PPHLN1: variants seen among roughly 807,000 people sequenced by gnomAD.
The protein encoded by PPHLN1 is periphilin 1, also known as periphilin-1.
PPHLN1 carries 29 observed loss-of-function variants against 51.3 expected under a neutral mutation model. That is an observed-to-expected ratio of 0.57 (90% CI 0.42 to 0.77). PPHLN1 has a LOEUF of 0.77. Among genes scored for constraint, PPHLN1 ranks in the 30% least tolerant of loss-of-function variants. The pLI is 0.00. For missense variants in PPHLN1, 436 were observed against 438.4 expected (o/e 0.99, Z 0.05); for synonymous variants, 147 against 147.8 (o/e 0.99, Z 0.04).
chr12:42,378,100 CT>C (rs778021356), intron 5 of PPHLN1, among the ~76,000 whole-genome samples: 1 of 58,936 alleles, frequency 1.7e-5, no homozygotes, highest in East Asian at 4.2e-4. Flanking sequence ...CTCTTTCTTT[CT>C]TTCTTTCTTT....
chr12:42,378,100 CTTTCTTTCTTTCT>C (rs2076441372), intron 5 of PPHLN1, among the ~76,000 whole-genome samples: 1 of 58,888 alleles, frequency 1.7e-5, no homozygotes, highest in East Asian at 4.1e-4. Context: ...CTCTTTCTTT[CTTTCTTTCTTTCT>C]TTCTTTCTTT....
chr12:42,348,337 G>A (rs2072695375), intron 2 of PPHLN1, among the ~76,000 whole-genome samples: 1 of 143,528 alleles, frequency 7.0e-6, no homozygotes, highest in Admixed American at 7.3e-5. Context: ...GGCCAGGCTG[G>A]TCTCAATCTC....
intron 4 of PPHLN1, among the ~76,000 whole-genome samples, chr12:42,360,286 T>C (rs73270275): frequency 0.033 from 5,002 of 151,486 alleles, 284 homozygotes; most frequent in African/African-American, 0.11. Context: ...AGCTCCTTAG[T>C]CTTCCCTTGA....
In PPHLN1 at chr12:42,366,531, G is replaced by T. The variant is rs569635519; in HGVS notation, c.300-8332G>T. Among the ~76,000 whole-genome samples the T allele has an allele frequency of 4.7e-3, 702 of 149,508 alleles. 7 individuals are homozygous for T. Among genetic ancestry groups the T allele is most frequent in the African/African-American group, 0.017 (676 of 40,786 alleles). On this transcript the variant is annotated intron_variant, in intron 4 of 9. Transcript: ENST00000358314. ...TGTGAGCCTGCACCTGGCCTTTCTT[G>T]TTTTTTTTTGTTTTTGTTTTTGTTT...
At chr12:42,385,048 G>T in intron 6 of PPHLN1, 52 bp downstream of exon 6, 1 of 1,509,102 alleles carries the variant, frequency 6.6e-7, no homozygotes, top group South Asian at 1.1e-5. Context: ...TGGGAGACTT[G>T]AACTGATAGC....
intron 2 of PPHLN1, among the ~76,000 whole-genome samples, chr12:42,336,555 C>T (rs1309370811): frequency 1.3e-5 from 2 of 152,206 alleles, no homozygotes; most frequent in African/African-American, 2.4e-5. Flanking sequence ...CTTCTTGTCT[C>T]TCGTTGCTCT....
At chr12:42,410,250 G>A (rs1211723302) in intron 9 of PPHLN1, among the ~76,000 whole-genome samples, 1 of 152,026 alleles carries the variant, frequency 6.6e-6, no homozygotes, top group African/African-American at 2.4e-5. Flanking sequence ...AAGCAAAAGA[G>A]TAAATAATGT....
intron 8 of PPHLN1, among the ~76,000 whole-genome samples, chr12:42,396,603 G>A (rs1482473171): frequency 9.0e-6 from 1 of 110,504 alleles, no homozygotes; most frequent in Non-Finnish European, 1.7e-5. Flanking sequence ...ATGTAGTAAG[G>A]TCTTGTCACT....
chr12:42,406,575 T>C (rs1411216112), intron 9 of PPHLN1, among the ~76,000 whole-genome samples: 1 of 152,220 alleles, frequency 6.6e-6, no homozygotes, highest in African/African-American at 2.4e-5. Context: ...TGAATATCCT[T>C]TTTTTGTAAA....
intron 9 of PPHLN1, among the ~76,000 whole-genome samples, chr12:42,414,483 C>T (rs1046198163): frequency 1.3e-5 from 2 of 152,164 alleles, no homozygotes; most frequent in African/African-American, 2.4e-5. Context: ...AGAAATCTTT[C>T]ATCACTCTGG....
chr12:42,349,510 A>C (rs1828684006), intron 2 of PPHLN1, among the ~76,000 whole-genome samples: 1 of 152,108 alleles, frequency 6.6e-6, no homozygotes, highest in South Asian at 2.1e-4. Context: ...GCAGATAAAC[A>C]TGTGAACAAA....
chr12:42,379,731 A>G (rs2076605227), intron 5 of PPHLN1, among the ~76,000 whole-genome samples: 1 of 152,076 alleles, frequency 6.6e-6, no homozygotes, highest in African/African-American at 2.4e-5. Context: ...AAAACTAGAA[A>G]TACTACATTT....
chr12:42,375,039 G>A lies in PPHLN1; in HGVS notation c.476G>A (p.Ser159Asn). 4.3e-6 allele frequency: 7 copies of A among 1,613,200 alleles called. No individual in the cohort carries two copies. Among genetic ancestry groups the A allele is most frequent in the Middle Eastern group, 1.7e-4 (1 of 6,052 alleles). The change falls in exon 5 of 10, where the codon AGC becomes AAC. Residue 159 changes from serine to asparagine, a missense_variant. By Grantham distance (46) the Ser-to-Asn change is conservative. Transcript: ENST00000358314. Reference sequence around the variant, plus strand: ...AGCAGAAGCTACTCTCCAGAAAGGAGCAAATCATACTCTTTCCATCAGTCT... The same window carrying A: ...AGCAGAAGCTACTCTCCAGAAAGGAACAAATCATACTCTTTCCATCAGTCT... Reference protein sequence around the residue: ...VSSRSYSPERSKSYSFHQSQH... With the variant: ...VSSRSYSPERNKSYSFHQSQH...
chr12:42,328,897 G>A (rs2069207700), intron 1 of PPHLN1, among the ~76,000 whole-genome samples: 1 of 151,936 alleles, frequency 6.6e-6, no homozygotes, highest in African/African-American at 2.4e-5. Flanking sequence ...TTTTTTAAGT[G>A]GAGACGGGGT....
At chr12:42,358,854 G>C (rs1259408321) in intron 4 of PPHLN1, among the ~76,000 whole-genome samples, 1 of 151,976 alleles carries the variant, frequency 6.6e-6, no homozygotes, top group East Asian at 1.9e-4. Context: ...GTTTTTACGA[G>C]ATAGGTTACT....
chr12:42,439,583 C>T (rs144360308), intron 9 of PPHLN1, among the ~76,000 whole-genome samples: 112 of 152,334 alleles, frequency 7.4e-4, no homozygotes, highest in African/African-American at 2.6e-3. Context: ...GGCACGATCT[C>T]GGCTCACTGC....
intron 3 of PPHLN1, among the ~76,000 whole-genome samples, chr12:42,354,373 C>T (rs780571673): frequency 5.3e-5 from 8 of 152,044 alleles, no homozygotes; most frequent in East Asian, 1.9e-4. Context: ...TGCACGCCAC[C>T]GTGCCCGGCT....
intron 3 of PPHLN1, among the ~76,000 whole-genome samples, chr12:42,352,987 G>T (rs1845010889): frequency 6.6e-6 from 1 of 152,004 alleles, no homozygotes; most frequent in Admixed American, 6.6e-5. Flanking sequence ...TACTTGGGAG[G>T]CTGAGGCAGG....
downstream of PPHLN1, chr12:42,443,631 AAGCC>A (rs1438011051): frequency 2.0e-5 from 3 of 152,346 alleles, no homozygotes; most frequent in East Asian, 5.8e-4. Context: ...GAGCAATTAA[AAGCC>A]GGCCATATAG....
Sources: gnomAD v4.1 joint callset for allele counts (sites outside exome capture counted in the v4.1 genomes callset) on GRCh38, gnomAD v4.1.1 for gene constraint, MANE v1.5 for transcripts, NCBI Gene and HGNC (gene_info 2026-07-23, HGNC 2026-07-21) for gene names.